The following PRMT3 variants were observed in gnomAD, a reference collection of about 807,000 sequenced individuals.
The protein encoded by PRMT3 is protein arginine methyltransferase 3.
A neutral mutation model predicts 71.9 loss-of-function variants in PRMT3; 62 were observed. The observed-to-expected ratio is 0.86, with a 90% CI of 0.70 to 1.07. PRMT3 has a LOEUF of 1.07. Ranked by LOEUF, PRMT3 falls within the 50% of genes least tolerant of loss-of-function variation. The pLI is 0.00. For synonymous variants in PRMT3, 213 were observed against 220.4 expected (o/e 0.97, Z 0.30); for missense variants, 663 against 643.0 (o/e 1.03, Z -0.34).
intron 10 of PRMT3, among the ~76,000 whole-genome samples, chr11:20,429,249 A>G (rs1243840022): frequency 6.6e-6 from 1 of 152,122 alleles, no homozygotes; most frequent in Non-Finnish European, 1.5e-5. Flanking sequence ...TCTCATCAGG[A>G]GCATACAGTC....
chr11:20,425,839 G>A lies in PRMT3; in HGVS notation c.894-927G>A, dbSNP rs186593513. On this transcript the variant is annotated intron_variant, in intron 9 of 15. Transcript: ENST00000331079. ...GTGGTCAACAAAGTATCTGTTTTTC[G>A]GAATTTAACAAAACTACCCTAAAAT... Among the ~76,000 whole-genome samples, 14 of 152,126 alleles carry A rather than the reference G, an allele frequency of 9.2e-5. No individual in the cohort carries two copies. In the East Asian group the frequency reaches 1.2e-3, roughly 13 times the overall value.
intron 11 of PRMT3, among the ~76,000 whole-genome samples, chr11:20,455,402 A>G (rs1462920141): frequency 6.6e-6 from 1 of 152,174 alleles, no homozygotes; most frequent in Non-Finnish European, 1.5e-5. Flanking sequence ...CGAAGCTAAC[A>G]TTAAATTGAG....
chr11:20,484,262 G>A (rs1851017579), intron 13 of PRMT3, among the ~76,000 whole-genome samples: 1 of 152,188 alleles, frequency 6.6e-6, no homozygotes. Flanking sequence ...TAAATATAGT[G>A]AGTGTTATTA....
rs1406441218 is a variant in PRMT3 at position 20,388,024 on chromosome 11, C to A, written c.34C>A (p.Arg12=). 1 of 1,613,896 alleles carries A rather than the reference C, an allele frequency of 6.2e-7. No individual in the cohort carries two copies. The highest frequency in any genetic ancestry group is 1.3e-5 in the African/African-American group (1 of 75,052). ...TTGTTGTGTGTGTGTGTTAGGCGGCCGGGGCGCTGTGGAGAATGAGGAGGA... is the reference window on the plus strand; with the variant it reads ...TTGTTGTGTGTGTGTGTTAGGCGGCAGGGGCGCTGTGGAGAATGAGGAGGA... ...CSLASGATGG[R]GAVENEEDLP... is the part of the protein sequence containing the mutation. Residue 12 remains arginine, a synonymous_variant, in exon 2 of 16, where the codon CGG becomes AGG. Coordinates refer to ENST00000331079, the MANE Select transcript of PRMT3 (RefSeq NM_005788.4).
intron 13 of PRMT3, among the ~76,000 whole-genome samples, chr11:20,487,644 T>C (rs10766679): frequency 0.27 from 41,633 of 152,068 alleles, 5,918 homozygotes; most frequent in South Asian, 0.38. Context: ...TGTACACTTA[T>C]GTGCACTTTT....
chr11:20,474,191 AG>A (rs1366520985), intron 13 of PRMT3, among the ~76,000 whole-genome samples: 2 of 152,188 alleles, frequency 1.3e-5, no homozygotes, highest in Non-Finnish European at 2.9e-5. Context: ...TTAAAGAAGG[AG>A]TCTGGCTCCT....
At position 20,424,165 on chromosome 11, in the gene PRMT3, C is replaced by T. The variant is rs1260707071; in HGVS notation, c.894-2601C>T. On this transcript the variant is annotated intron_variant, in intron 9 of 15. Coordinates refer to ENST00000331079, the MANE Select transcript of PRMT3 (RefSeq NM_005788.4). ...CGCCACTGCACTCCAGCCTGGGCAA[C>T]AAAGCAAGACGCCATCTCAAAAAAA... Among the ~76,000 whole-genome samples, 5 of 111,150 alleles carry T rather than the reference C, an allele frequency of 4.5e-5. No individual in the cohort carries two copies. The East Asian group carries it at 1.2e-3, about 27-fold the overall frequency. 72.9% of individuals were successfully genotyped at this position (111,150 alleles called of 152,430 possible).
chr11:20,497,000 C>T (rs952821133), intron 15 of PRMT3, among the ~76,000 whole-genome samples: 2 of 152,134 alleles, frequency 1.3e-5, no homozygotes, highest in African/African-American at 4.8e-5. Context: ...TTTTGTTTTT[C>T]TGTAGCTCTG....
chr11:20,468,415 C>G (rs944336413), intron 13 of PRMT3, among the ~76,000 whole-genome samples: 1 of 152,162 alleles, frequency 6.6e-6, no homozygotes, highest in African/African-American at 2.4e-5. Context: ...ATTGCCTAGG[C>G]TGGAGTGCAG....
intron 13 of PRMT3, among the ~76,000 whole-genome samples, chr11:20,475,526 TCATTGACTGAAA>T (rs1463220913): frequency 9.2e-5 from 14 of 152,212 alleles, no homozygotes; most frequent in African/African-American, 3.4e-4. Context: ...GTATATGCAG[TCATTGACTGAAA>T]CATTGTTATG....
chr11:20,409,096 C>A (rs912058515), intron 9 of PRMT3, among the ~76,000 whole-genome samples: 9 of 151,666 alleles, frequency 5.9e-5, no homozygotes, highest in Non-Finnish European at 8.8e-5. Context: ...GACACTTTCT[C>A]CAAAAAAAAT....
chr11:20,409,654 A>AACACACAC (rs60686099), intron 9 of PRMT3, among the ~76,000 whole-genome samples: 27,718 of 144,122 alleles, frequency 0.19, 2,920 homozygotes, highest in Non-Finnish European at 0.24. Flanking sequence ...GGAATACACA[A>AACACACAC]ACACACACAC....
chr11:20,450,061 TTG>T (rs2133384601), intron 10 of PRMT3, among the ~76,000 whole-genome samples: 1 of 152,222 alleles, frequency 6.6e-6, no homozygotes, highest in East Asian at 1.9e-4. Context: ...GAGAAATTCT[TTG>T]TGATAAGGTA....
intron 9 of PRMT3, 70 bp downstream of exon 9, chr11:20,408,102 C>T (rs1239244554): frequency 1.7e-6 from 2 of 1,151,518 alleles, no homozygotes; most frequent in African/African-American, 1.6e-5. Flanking sequence ...ATTTTCTTGT[C>T]TTTAGTAGCT....
intron 13 of PRMT3, among the ~76,000 whole-genome samples, chr11:20,483,541 T>C (rs1390210045): frequency 9.0e-6 from 1 of 111,194 alleles, no homozygotes; most frequent in African/African-American, 3.7e-5. Context: ...CCTTTTTAAA[T>C]GGCAGAGATT....
At chr11:20,405,556 C>A (rs1849051681) in intron 8 of PRMT3, 1 of 152,080 alleles carries the variant, frequency 6.6e-6, no homozygotes, top group African/African-American at 2.4e-5. Context: ...GGACCTATTT[C>A]TTTGCCTCTC....
chr11:20,397,555 G>A, intron 6 of PRMT3, 22 bp from the exon 7 acceptor site: 1 of 1,613,162 alleles, frequency 6.2e-7, no homozygotes. Flanking sequence ...TGTCTCAAGG[G>A]TGTATTTCAA....
chr11:20,508,861 T>G lies in PRMT3; in HGVS notation c.*448T>G, dbSNP rs906430278. On this transcript the variant is annotated 3_prime_UTR_variant, in exon 16 of 16. Transcript: ENST00000331079. ...ACTCCTCTGAGGAGGAGTTTTTAAT[T>G]GTATTTGCTAGAAAATCAGGATGTA... is the stretch of plus-strand genomic sequence containing the variant. The G allele has an allele frequency of 1.1e-5, 2 of 185,226 alleles. No individual in the cohort carries two copies. Among genetic ancestry groups the G allele is most frequent in the Admixed American group, 1.1e-4 (2 of 18,568 alleles). The allele number at this position is 185,226 out of a possible 1,614,324, so 11.5% of individuals were successfully genotyped here.
rs1851656946 is a variant in PRMT3, at chr11:20,508,655, A to T, written c.*242A>T. 3.3e-6 allele frequency: 2 copies of T among 612,722 alleles called. No individual in the cohort carries two copies. Among genetic ancestry groups the T allele is most frequent in the Non-Finnish European group, 6.1e-6 (2 of 328,110 alleles). 38.0% of individuals were successfully genotyped at this position (612,722 alleles called of 1,614,324 possible). A position where few individuals can be genotyped will look rare whatever the true frequency, so the allele number is the denominator to read the frequency against. On this transcript the variant is annotated 3_prime_UTR_variant, in exon 16 of 16. Coordinates refer to ENST00000331079, the MANE Select transcript of PRMT3 (RefSeq NM_005788.4). The stretch of plus-strand genomic sequence containing the variant: ...TTAGACGTTTGCTCCACCAGATTTA[A>T]CCAAATGTAACTCCCACATTGAGTT...
Sources: gnomAD v4.1 joint callset for allele counts (sites outside exome capture counted in the v4.1 genomes callset) on GRCh38, gnomAD v4.1.1 for gene constraint, MANE v1.5 for transcripts, NCBI Gene and HGNC (gene_info 2026-07-23, HGNC 2026-07-21) for gene names.